KIFC3: variants seen among roughly 807,000 people sequenced by gnomAD.
KIFC3 encodes the protein kinesin family member C3.
A neutral mutation model predicts 101.8 loss-of-function variants in KIFC3; 60 were observed. The ratio of observed to expected loss-of-function variants is 0.59; its 90% CI spans 0.48 to 0.73. The LOEUF (loss-of-function observed/expected upper bound fraction) is 0.73, where lower values mean the gene tolerates loss of function less well. KIFC3 is among the 30% of genes least tolerant of loss of function. KIFC3 has a pLI of 0.00. For missense variants in KIFC3, 966 were observed against 1,137.1 expected (o/e 0.85, Z 2.16); for synonymous variants, 476 against 482.7 (o/e 0.99, Z 0.18).
upstream of KIFC3, chr16:57,807,942 A>AAAC (rs2054976079): frequency 2.3e-5 from 3 of 131,920 alleles, no homozygotes; most frequent in African/African-American, 1.2e-4. Context: ...AAAAAAAAAA[A>AAAC]AAAAAAAAAA....
chr16:57,844,247 T>C (rs530816963), intron 1 of KIFC3, among the ~76,000 whole-genome samples: 1 of 151,332 alleles, frequency 6.6e-6, no homozygotes, highest in African/African-American at 2.4e-5. Flanking sequence ...CTGGCCAACA[T>C]GGGGAAGCCC....
At chr16:57,785,572 C>T in intron 3 of KIFC3, 4 of 1,288,030 alleles carry the variant, frequency 3.1e-6, no homozygotes, top group Non-Finnish European at 4.0e-6. Flanking sequence ...CGTCCTGGAG[C>T]TGGGACATGG....
chr16:57,800,079 G>T (rs1327462156), intron 1 of KIFC3, among the ~76,000 whole-genome samples: 1 of 144,394 alleles, frequency 6.9e-6, no homozygotes, highest in East Asian at 2.0e-4. Context: ...GGGAGACAGA[G>T]AGACAGGAGT....
intron 3 of KIFC3, among the ~76,000 whole-genome samples, chr16:57,773,593 TGCAGTAAGCTATGATA>T (rs1188666211): frequency 3.3e-5 from 5 of 152,108 alleles, no homozygotes; most frequent in Non-Finnish European, 5.9e-5. Context: ...AGTTTGAAGC[TGCAGTAAGCTATGATA>T]GCATCACTGT....
At chr16:57,859,060 T>C (rs971878646) in intron 1 of KIFC3, among the ~76,000 whole-genome samples, 2 of 152,266 alleles carry the variant, frequency 1.3e-5, no homozygotes, top group Non-Finnish European at 1.5e-5. Context: ...ACGTATTCTT[T>C]GGTTTTATAA....
chr16:57,759,558 T>C, intron 18 of KIFC3, 170 bp downstream of exon 18: 2 of 601,776 alleles, frequency 3.3e-6, no homozygotes, highest in Non-Finnish European at 5.9e-6. Flanking sequence ...GACACAGCAC[T>C]GTCTGCCCTG....
chr16:57,770,874 T>C (rs1254703974), intron 6 of KIFC3, among the ~76,000 whole-genome samples, 174 bp from the exon 7 acceptor site: 4 of 152,168 alleles, frequency 2.6e-5, no homozygotes, highest in Non-Finnish European at 5.9e-5. Context: ...GGGGGTCTCC[T>C]GGAACCTTCT....
At chr16:57,772,451 T>C (rs978221119) in intron 3 of KIFC3, 163 bp from the exon 4 acceptor site, 4 of 577,572 alleles carry the variant, frequency 6.9e-6, no homozygotes, top group Non-Finnish European at 9.3e-6. Flanking sequence ...ACCTGGGACT[T>C]CAGGTGAGAG....
intron 3 of KIFC3, among the ~76,000 whole-genome samples, chr16:57,778,988 T>TA (rs1163673462): frequency 6.6e-6 from 1 of 152,212 alleles, no homozygotes; most frequent in African/African-American, 2.4e-5. Context: ...AGTGGGAATG[T>TA]AAAATGGTGC....
At chr16:57,855,143 T>A (rs930723268) in intron 1 of KIFC3, among the ~76,000 whole-genome samples, 2 of 139,280 alleles carry the variant, frequency 1.4e-5, no homozygotes, top group East Asian at 4.3e-4. Context: ...TTTTTTTTTT[T>A]AGACATGGTC....
intron 2 of KIFC3, chr16:57,797,660 T>A: frequency 1.8e-6 from 2 of 1,104,926 alleles, no homozygotes; most frequent in Non-Finnish European, 2.2e-6. Context: ...CCAGGCAGGA[T>A]CAAGTGTCAG....
intron 1 of KIFC3, among the ~76,000 whole-genome samples, chr16:57,831,119 G>A (rs193165928): frequency 1.0e-3 from 155 of 152,318 alleles, no homozygotes; most frequent in Non-Finnish European, 1.5e-3. Context: ...TTAGAACAAA[G>A]GTCTAAGTAA....
upstream of KIFC3, chr16:57,803,461 C>T (rs1388484338): frequency 2.2e-6 from 1 of 464,168 alleles, no homozygotes; most frequent in African/African-American, 2.0e-5. Context: ...TGCAGATAAT[C>T]CCAGGAGGGC....
intron 1 of KIFC3, among the ~76,000 whole-genome samples, chr16:57,833,725 A>G (rs1212857857): frequency 6.6e-6 from 1 of 152,102 alleles, no homozygotes; most frequent in Non-Finnish European, 1.5e-5. Context: ...AGGGACCCTA[A>G]AATTACTGAA....
chr16:57,838,087 G>A (rs1299814068), intron 1 of KIFC3, among the ~76,000 whole-genome samples: 1 of 152,140 alleles, frequency 6.6e-6, no homozygotes, highest in Non-Finnish European at 1.5e-5. Context: ...CATCGAGAGT[G>A]CAGAATCACC....
intron 3 of KIFC3, among the ~76,000 whole-genome samples, chr16:57,785,844 TC>T (rs139963461): frequency 0.02 from 3,089 of 152,120 alleles, 122 homozygotes; most frequent in African/African-American, 0.071. Context: ...CCAGGGCCTG[TC>T]CCAGAAGAAG....
intron 18 of KIFC3, 157 bp from the exon 19 acceptor site, chr16:57,759,310 G>A: frequency 2.3e-6 from 2 of 870,556 alleles, no homozygotes; most frequent in Non-Finnish European, 3.5e-6. Flanking sequence ...CGGTCCTGTG[G>A]CGGGGCTCAC....
chr16:57,784,917 C>A (rs1426670575), intron 3 of KIFC3, among the ~76,000 whole-genome samples: 4 of 152,192 alleles, frequency 2.6e-5, no homozygotes, highest in African/African-American at 4.8e-5. Flanking sequence ...AAGGAGACAA[C>A]GCTGACCTGC....
chr16:57,769,628 C>T lies in KIFC3; in HGVS notation c.1185G>A (p.Leu395=), dbSNP rs1555605678. 1 of 1,611,198 alleles carries T rather than the reference C, an allele frequency of 6.2e-7. No homozygotes were observed. Among genetic ancestry groups the T allele is most frequent in the East Asian group, 2.2e-5 (1 of 44,870 alleles). ...TGACACTCCTGAGGGCCTCCTGCAG[C>T]AGCAGTGGGAAGCCGCGCACCTGCC... is the stretch of plus-strand genomic sequence containing the variant. ...LKRQVRGFPL[L]LQEALRSVKA... Residue 395 remains leucine, a synonymous_variant, in exon 9 of 20, where the codon CTG becomes CTA. Coordinates refer to ENST00000445690, the MANE Select transcript of KIFC3 (RefSeq NM_001130100.2). The surrounding 1 kb of genome is among the most constrained non-coding windows in gnomAD (Gnocchi z 4.3).
Sources: gnomAD v4.1 joint callset for allele counts (sites outside exome capture counted in the v4.1 genomes callset) on GRCh38, gnomAD v4.1.1 for gene constraint, Gnocchi (gnomAD v3.1) non-coding constraint, MANE v1.5 for transcripts, NCBI Gene and HGNC (gene_info 2026-07-23, HGNC 2026-07-21) for gene names.